CRACDL: variants seen among roughly 807,000 people sequenced by gnomAD.
CRACDL encodes the protein CRACD like, also known as CRACD-like protein.
Under a neutral mutation model 70.6 loss-of-function variants are expected in CRACDL, and 26 were observed. That is an observed-to-expected ratio of 0.37 (90% confidence interval 0.27 to 0.51). CRACDL has a LOEUF of 0.51. CRACDL is among the 20% of genes least tolerant of loss of function. CRACDL has a pLI of 0.94. For missense variants in CRACDL, 1,283 were observed against 1,376.9 expected (o/e 0.93, Z 1.08); for synonymous variants, 618 against 615.2 (o/e 1.00, Z -0.07).
chr2:98,885,354 G>T (rs377213925), intron 1 of CRACDL, among the ~76,000 whole-genome samples: 1 of 152,294 alleles, frequency 6.6e-6, no homozygotes, highest in South Asian at 2.1e-4. Context: ...CTAAACCAAG[G>T]GGGAGGATGT....
chr2:98,894,976 G>A (rs992193030), intron 1 of CRACDL, among the ~76,000 whole-genome samples: 2 of 152,176 alleles, frequency 1.3e-5, no homozygotes, highest in Admixed American at 1.3e-4. Context: ...GCCAGGTGTG[G>A]TGACATGCAC....
At chr2:98,861,101 C>T (rs948660671) in intron 1 of CRACDL, among the ~76,000 whole-genome samples, 2 of 152,318 alleles carry the variant, frequency 1.3e-5, no homozygotes, top group Admixed American at 6.5e-5. Context: ...AATCCCAGCA[C>T]TTTGGGAGGC....
intron 1 of CRACDL, among the ~76,000 whole-genome samples, chr2:98,926,521 C>G (rs1258791194): frequency 6.6e-6 from 1 of 152,166 alleles, no homozygotes; most frequent in Non-Finnish European, 1.5e-5. Context: ...AAGCAGCTGC[C>G]CCCATGGTCT....
chr2:98,872,322 C>A lies in CRACDL; in HGVS notation c.-10-25512G>T, dbSNP rs546817448. 3.3e-5 allele frequency among the ~76,000 whole-genome samples: 5 copies of A among 152,310 alleles called. No homozygotes were observed. The East Asian group carries it at 9.6e-4, about 29-fold the overall frequency. ...GCAGTGAGCTGAGATCGCACCACTG[C>A]ACTCCAGTCTGGGTGACAGAGTGAG... On this transcript the variant is annotated intron_variant, in intron 1 of 9. Transcript: ENST00000397899.
chr2:98,922,613 A>T (rs1708830777), intron 1 of CRACDL, among the ~76,000 whole-genome samples: 1 of 152,212 alleles, frequency 6.6e-6, no homozygotes, highest in Admixed American at 6.5e-5. Context: ...AGGGAAGACC[A>T]GCTCAAGCAC....
chr2:98,801,336 T>C (rs954145439), intron 7 of CRACDL, among the ~76,000 whole-genome samples: 6 of 152,200 alleles, frequency 3.9e-5, no homozygotes, highest in African/African-American at 1.4e-4. Flanking sequence ...AGTTCACAGA[T>C]GCCTGAGATT....
intron 1 of CRACDL, among the ~76,000 whole-genome samples, chr2:98,911,141 C>A (rs371242820): frequency 6.6e-6 from 1 of 152,220 alleles, no homozygotes; most frequent in Non-Finnish European, 1.5e-5. Context: ...GCTCTCGTCA[C>A]AGGCACACCC....
At chr2:98,832,002 C>T (rs1268818155) in intron 5 of CRACDL, among the ~76,000 whole-genome samples, 2 of 152,140 alleles carry the variant, frequency 1.3e-5, no homozygotes, top group Admixed American at 6.5e-5. Flanking sequence ...GTCATGGCAA[C>T]GGAAAACAGA....
At position 98,822,366 on chromosome 2, in the gene CRACDL, C is replaced by T. The variant is rs1449131402; in HGVS notation, c.1907G>A (p.Gly636Asp). The T allele has an allele frequency of 6.8e-7, 1 of 1,470,114 alleles. No individual in the cohort carries two copies. The allele number at this position is 1,470,114 out of a possible 1,614,324, so 91.1% of individuals were successfully genotyped here. ...CGCCCTGTCCCCCGAGTCCTGAGGG[C>T]CGCGCTCCGCCAGCTTCCGAGGGCC... ...KPGPRKLAERGPQDSGDRAAS... is the reference protein window; with the variant it reads ...KPGPRKLAERDPQDSGDRAAS... The change falls in exon 7 of 10, where the codon GGC (glycine) becomes GAC (aspartate). Residue 636 changes from glycine (G) to aspartate (D), a missense_variant. Gly to Asp is a moderately conservative substitution (Grantham distance 94). Coordinates refer to ENST00000397899, the MANE Select transcript of CRACDL (RefSeq NM_207362.3). This position sits in a 1 kb window ranked among gnomAD's most constrained non-coding sequence, Gnocchi z 4.9.
At chr2:98,866,472 C>CTTTTTTTTTTTTTTTTTT (rs869154325) in intron 1 of CRACDL, among the ~76,000 whole-genome samples, 2 of 107,812 alleles carry the variant, frequency 1.9e-5, no homozygotes, top group Admixed American at 1.1e-4. Flanking sequence ...ACAATCACTT[C>CTTTTTTTTTTTTTTTTTT]TTCTTTTTTT....
Position 98,823,504 on chromosome 2 carries a change from A to C in CRACDL, c.769T>G (p.Cys257Gly). The C allele has an allele frequency of 3.8e-6, 6 of 1,592,386 alleles. No individual in the cohort carries two copies. The highest frequency in any genetic ancestry group is 3.4e-6 in the Non-Finnish European group (4 of 1,176,964). ...TCGTTTTCCTCCTCCTCTGGGGTGC[A>C]CGTCAGGTCGCTCAGGGATTCAGAC... ...AQSESLSDLT[C>G]TPEEEENEEK... is the part of the protein sequence containing the mutation. Residue 257 changes from cysteine (C) to glycine (G), a missense_variant, in exon 7 of 10, where the codon TGC becomes GGC. Cys to Gly is a radical substitution (Grantham distance 159, BLOSUM62 -3). Transcript: ENST00000397899. This position sits in a 1 kb window ranked among gnomAD's most constrained non-coding sequence, Gnocchi z 4.0.
intron 5 of CRACDL, among the ~76,000 whole-genome samples, chr2:98,830,386 C>A (rs1705491990): frequency 6.6e-6 from 1 of 152,128 alleles, no homozygotes; most frequent in African/African-American, 2.4e-5. Context: ...GCCTGTGGGT[C>A]AGTGTAAGGT....
intron 1 of CRACDL, among the ~76,000 whole-genome samples, chr2:98,851,741 A>T (rs1008453698): frequency 3.3e-5 from 5 of 152,198 alleles, no homozygotes; most frequent in Non-Finnish European, 5.9e-5. Context: ...CTCCAGAAAA[A>T]TATCCTTCAA....
At chr2:98,843,306 T>C (rs137968898) in intron 2 of CRACDL, among the ~76,000 whole-genome samples, 39 of 152,328 alleles carry the variant, frequency 2.6e-4, no homozygotes, top group African/African-American at 9.1e-4. Flanking sequence ...AAGTCCTATA[T>C]CAAGTGTGAT....
At chr2:98,802,998 C>CTTTT (rs34784675) in intron 7 of CRACDL, among the ~76,000 whole-genome samples, 20 of 128,236 alleles carry the variant, frequency 1.6e-4, no homozygotes, top group African/African-American at 4.4e-4. Flanking sequence ...ACATGCCTGG[C>CTTTT]TTTTTTTTTT....
intron 1 of CRACDL, among the ~76,000 whole-genome samples, chr2:98,877,190 G>A (rs1293632569): frequency 1.3e-5 from 2 of 152,176 alleles, no homozygotes; most frequent in Admixed American, 1.3e-4. Flanking sequence ...GTAGAACTGG[G>A]TTCTACCCTC....
chr2:98,824,440 T>G (rs929557033), intron 6 of CRACDL, among the ~76,000 whole-genome samples: 12 of 152,144 alleles, frequency 7.9e-5, no homozygotes, highest in Non-Finnish European at 1.8e-4. Context: ...ATAGTCTTCT[T>G]CTGAAAGACC....
chr2:98,894,332 A>C (rs553587151), intron 1 of CRACDL, among the ~76,000 whole-genome samples: 1 of 152,346 alleles, frequency 6.6e-6, no homozygotes, highest in South Asian at 2.1e-4. Flanking sequence ...CCACATGAGG[A>C]AGAGCGTCAA....
chr2:98,895,042 T>C (rs1708082241), intron 1 of CRACDL, among the ~76,000 whole-genome samples: 1 of 152,088 alleles, frequency 6.6e-6, no homozygotes, highest in Non-Finnish European at 1.5e-5. Flanking sequence ...GCCTGGGAGA[T>C]TGAGGCTTCA....
Sources: gnomAD v4.1 joint callset for allele counts (sites outside exome capture counted in the v4.1 genomes callset) on GRCh38, gnomAD v4.1.1 for gene constraint, Gnocchi (gnomAD v3.1) non-coding constraint, MANE v1.5 for transcripts, NCBI Gene and HGNC (gene_info 2026-07-23, HGNC 2026-07-21) for gene names.